Variants in TECPR1 observed in about 807,000 individuals in gnomAD.
TECPR1 encodes tectonin beta-propeller repeat-containing protein 1.
A neutral mutation model predicts 162.4 loss-of-function variants in TECPR1; 122 were observed. The observed-to-expected ratio is 0.75, with a 90% CI of 0.65 to 0.87. The LOEUF (loss-of-function observed/expected upper bound fraction) is 0.87. Ranked by LOEUF, TECPR1 falls within the 40% of genes least tolerant of loss-of-function variation. The pLI is 0.00. For missense variants in TECPR1, 1,432 were observed against 1,618.2 expected (o/e 0.88, Z 1.97); for synonymous variants, 642 against 670.6 (o/e 0.96, Z 0.66).
rs1337185512 is a variant in TECPR1, at chr7:98,245,043, A to G, written c.250T>C (p.Cys84Arg). 1 of 1,596,568 alleles carries G rather than the reference A, an allele frequency of 6.3e-7. No homozygotes were observed. The highest frequency in any genetic ancestry group is 1.3e-5 in the African/African-American group (1 of 74,408). Residue 84 changes from cysteine to arginine, a missense_variant, in exon 4 of 26, where the codon TGT becomes CGT. Transcript: ENST00000447648. The part of the protein sequence containing the change: ...NQRWNPMGGF[C>R]EKLLLSDRWG... ...CGGTCACTCAGCAGGAGCTTCTCAC[A>G]GAAGCCGCCCATGGGATTCCAGCGC...
chr7:98,248,533 CAA>C (rs60387349), intron 2 of TECPR1, among the ~76,000 whole-genome samples: 3 of 9,616 alleles, frequency 3.1e-4, no homozygotes, highest in East Asian at 2.5e-3. Flanking sequence ...CTGCCACCGG[CAA>C]AAAAAAAAAA....
At chr7:98,226,540 C>A in intron 17 of TECPR1, 1 of 1,045,574 alleles carries the variant, frequency 9.6e-7, no homozygotes, top group Non-Finnish European at 1.2e-6. Context: ...ACCCCACATG[C>A]TAATTGCAGT....
Position 98,246,125 on chromosome 7 carries a change from C to T in TECPR1, c.22G>A (p.Ala8Thr), listed in dbSNP as rs1220594901. 2 of 1,550,318 alleles carry T rather than the reference C, an allele frequency of 1.3e-6. No homozygotes were observed. The highest frequency in any genetic ancestry group is 2.4e-5 in the South Asian group (2 of 84,126). MPNSVLW[A>T]VDLFGRVYTL... ...TACACTCTCCCGAAGAGGTCCACCG[C>T]CCACAGCACTGAGTTGGGCATGGCA... The change falls in exon 3 of 26, where the codon GCG (alanine) becomes ACG (threonine). Residue 8 changes from alanine to threonine, a missense_variant. Physicochemically the swap from Ala to Thr is moderately conservative, Grantham distance 58. Transcript: ENST00000447648.
At position 98,232,408 on chromosome 7, in the gene TECPR1, C is replaced by T. The variant is rs1798468143; in HGVS notation, c.1818+419G>A. ...GACCTCTGAGGGCCGGGCTCTGCCA[C>T]AGGATAGTGGGGCAGAAGCAGGGTC... On this transcript the variant is annotated intron_variant, in intron 12 of 25. Transcript: ENST00000447648. This position sits in a 1 kb window ranked among gnomAD's most constrained non-coding sequence, Gnocchi z 4.6. Among the ~76,000 whole-genome samples, 1 of 152,054 alleles carries T rather than the reference C, an allele frequency of 6.6e-6. No homozygotes were observed. The highest frequency in any genetic ancestry group is 6.6e-5 in the Admixed American group (1 of 15,258).
rs1798045067 is a variant in TECPR1, at chr7:98,217,573, G to A, written c.3385-70C>T. 13 of 1,538,656 alleles carry A rather than the reference G, an allele frequency of 8.4e-6. No individual in the cohort carries two copies. In the Admixed American group the frequency reaches 2.6e-4, roughly 30 times the overall value. On this transcript the variant is annotated intron_variant, in intron 25 of 25. Transcript: ENST00000447648. ...GATCCTGGAGGGGATCTGCCTGGGG[G>A]CCTCCCTGCAACCCAGACACCGGGT...
Position 98,246,084 on chromosome 7 carries a change from T to A in TECPR1, c.63A>T (p.Ala21=), listed in dbSNP as rs532214199. Residue 21 remains alanine (A), a synonymous_variant, in exon 3 of 26, where the codon GCA becomes GCT. Coordinates refer to ENST00000447648, the MANE Select transcript of TECPR1 (RefSeq NM_015395.3). ...CCTTGCACATTTCCCAGTACTGGCC[T>A]GCTGTGGACAGCGTGTACACTCTCC... ...LFGRVYTLST[A]GQYWEMCKDS... The A allele has an allele frequency of 1.1e-5, 17 of 1,563,680 alleles. No homozygotes were observed. The South Asian group carries it at 1.9e-4, about 17-fold the overall frequency.
intron 3 of TECPR1, among the ~76,000 whole-genome samples, 199 bp from the exon 4 acceptor site, chr7:98,245,266 A>G (rs951369704): frequency 6.6e-6 from 1 of 152,236 alleles, no homozygotes; most frequent in Non-Finnish European, 1.5e-5. Flanking sequence ...GCCAGCAAGT[A>G]CATCAGCACA....
At chr7:98,222,735 C>A in intron 21 of TECPR1, 5 of 782,516 alleles carry the variant, frequency 6.4e-6, no homozygotes, top group South Asian at 3.5e-5. Context: ...CCCCCGTGGG[C>A]GTGTGCACCT....
Position 98,217,136 on chromosome 7 carries a change from G to A in TECPR1, c.*254C>T. The A allele has an allele frequency of 2.3e-6, 1 of 443,076 alleles. No individual in the cohort carries two copies. The highest frequency in any genetic ancestry group is 3.9e-5 in the Admixed American group (1 of 25,772). 27.4% of individuals were successfully genotyped at this position (443,076 alleles called of 1,614,324 possible). ...GAAGGGTGGGAGGGGCCTCTGGGAG[G>A]TGCAGCCCCACCCCATGCCCCACAC... On this transcript the variant is annotated 3_prime_UTR_variant, in exon 26 of 26. Coordinates refer to ENST00000447648, the MANE Select transcript of TECPR1 (RefSeq NM_015395.3).
In TECPR1 at chr7:98,238,524, C is replaced by T. The variant is rs747380331; in HGVS notation, c.1020G>A (p.Val340=). The T allele has an allele frequency of 3.2e-6, 5 of 1,566,006 alleles. No individual in the cohort carries two copies. The highest frequency in any genetic ancestry group is 1.9e-5 in the Admixed American group (1 of 52,758). The change falls in exon 9 of 26, where the codon GTG becomes GTA. Residue 340 remains valine, a synonymous_variant. Transcript: ENST00000447648. The stretch of plus-strand genomic sequence containing the variant: ...ACGTGCACACCTGGTCGTTCATTCC[C>T]ACGTTCACCATCGTCATCTCACCAA... ...EMVGEMTMVN[V]GMNDQVWGIG...
intron 15 of TECPR1, among the ~76,000 whole-genome samples, chr7:98,229,633 C>A (rs987189183): frequency 1.3e-5 from 2 of 150,816 alleles, no homozygotes; most frequent in Non-Finnish European, 3.0e-5. Flanking sequence ...AGGGTGTCAG[C>A]GGGAGGCGGT....
intron 22 of TECPR1, 43 bp downstream of exon 22, chr7:98,222,343 C>CG: frequency 6.3e-7 from 1 of 1,587,454 alleles, no homozygotes; most frequent in Non-Finnish European, 8.6e-7. Context: ...TCAGCTTGGA[C>CG]GGAAGGTGAA....
chr7:98,229,759 C>A (rs1162484680), intron 15 of TECPR1, among the ~76,000 whole-genome samples: 6 of 152,170 alleles, frequency 3.9e-5, no homozygotes, highest in African/African-American at 9.7e-5. Flanking sequence ...GGTCTGAATC[C>A]TCTGACAGGA....
intron 2 of TECPR1, among the ~76,000 whole-genome samples, chr7:98,247,507 A>G (rs1045471575): frequency 6.6e-6 from 1 of 151,850 alleles, no homozygotes; most frequent in Non-Finnish European, 1.5e-5. Flanking sequence ...AGATATAACT[A>G]CCCCACTACT....
At position 98,228,044 on chromosome 7, in the gene TECPR1, C is replaced by G. The variant is rs759530130; in HGVS notation, c.2483G>C (p.Arg828Pro). 8 of 1,612,924 alleles carry G rather than the reference C, an allele frequency of 5.0e-6. No homozygotes were observed. Among genetic ancestry groups the G allele is most frequent in the Non-Finnish European group, 6.8e-6 (8 of 1,179,568 alleles). Residue 828 changes from arginine (R) to proline (P), a missense_variant, in exon 17 of 26, where the codon CGC (arginine) becomes CCC (proline). Physicochemically the swap from Arg to Pro is moderately radical, Grantham distance 103. Coordinates refer to ENST00000447648, the MANE Select transcript of TECPR1 (RefSeq NM_015395.3). ...VKCVHIYENQ[R>P]WNPVTGYTSR... ...GGTGTAGCCTGTGACGGGGTTCCAG[C>G]GCTGGTTCTCATAGATGTGAACACA...
intron 10 of TECPR1, 113 bp downstream of exon 10, chr7:98,236,663 G>A: frequency 1.4e-6 from 2 of 1,389,178 alleles, no homozygotes; most frequent in East Asian, 2.5e-5. Flanking sequence ...CTCCTGCCTG[G>A]GACAAGTCCT....
At chr7:98,242,161 G>T (rs973738753) in intron 6 of TECPR1, among the ~76,000 whole-genome samples, 9 of 152,336 alleles carry the variant, frequency 5.9e-5, no homozygotes, top group South Asian at 2.1e-4. Context: ...GGCCGCAGAG[G>T]GGGGCTGCGA....
Position 98,229,015 on chromosome 7 carries a change from G to GA in TECPR1, c.2410+23_2410+24insT, listed in dbSNP as rs750789078. The GA allele has an allele frequency of 4.4e-6, 7 of 1,593,282 alleles. No individual in the cohort carries two copies. In the African/African-American group the frequency reaches 9.4e-5, roughly 21 times the overall value. On this transcript the variant is annotated intron_variant, in intron 16 of 25. Coordinates refer to ENST00000447648, the MANE Select transcript of TECPR1 (RefSeq NM_015395.3). ...AGGAAAGAACGCCCAGGAAGGCTCC[G>GA]GGGGGGCTGTGGGCCGCCCTCACCT...
chr7:98,246,815 TC>T (rs1798924011), intron 2 of TECPR1, among the ~76,000 whole-genome samples: 1 of 151,358 alleles, frequency 6.6e-6, no homozygotes, highest in Non-Finnish European at 1.5e-5. Context: ...ACTCCTGACC[TC>T]AGGTGATCCA....
Sources: allele counts gnomAD v4.1 joint callset (sites outside exome capture counted in the v4.1 genomes callset), GRCh38; gene constraint gnomAD v4.1.1; non-coding constraint Gnocchi (gnomAD v3.1); transcripts MANE v1.5; gene names NCBI Gene and HGNC (gene_info 2026-07-23, HGNC 2026-07-21).